NRG1: variants seen among roughly 807,000 people sequenced by gnomAD.
NRG1 encodes the protein neuregulin 1.
Under a neutral mutation model 63.8 loss-of-function variants are expected in NRG1, and 18 were observed. The ratio of observed to expected loss-of-function variants is 0.28; its 90% confidence interval spans 0.19 to 0.42. The LOEUF (loss-of-function observed/expected upper bound fraction) is 0.42, where lower values mean the gene tolerates loss of function less well. Ranked by LOEUF, NRG1 falls within the 10% of genes least tolerant of loss-of-function variation. The probability of loss-of-function intolerance (pLI) is 1.00; values close to 1 mark genes in which losing one functional copy is unlikely to be tolerated. For missense variants in NRG1, 762 were observed against 814.7 expected (o/e 0.94, Z 0.79); for synonymous variants, 302 against 301.3 (o/e 1.00, Z -0.02).
At chr8:32,511,136 A>G (rs895675170) in intron 1 of NRG1, among the ~76,000 whole-genome samples, 2 of 150,636 alleles carry the variant, frequency 1.3e-5, no homozygotes, top group African/African-American at 2.4e-5. Flanking sequence ...GGACTGATCT[A>G]TTTTACCTCC....
intron 1 of NRG1, among the ~76,000 whole-genome samples, chr8:31,734,546 T>G (rs1814455444): frequency 6.6e-6 from 1 of 152,214 alleles, no homozygotes; most frequent in Non-Finnish European, 1.5e-5. Flanking sequence ...TTTCAAAAAG[T>G]GGAAGCTTTT....
intron 6 of NRG1, among the ~76,000 whole-genome samples, chr8:32,734,149 G>A (rs1824423127): frequency 6.6e-6 from 1 of 152,192 alleles, no homozygotes; most frequent in Non-Finnish European, 1.5e-5. Context: ...CAGGCTAGAA[G>A]AAGTCTGGGG....
intron 1 of NRG1, among the ~76,000 whole-genome samples, chr8:32,352,342 AG>A (rs1408084659): frequency 6.6e-6 from 1 of 151,980 alleles, no homozygotes; most frequent in East Asian, 1.9e-4. Context: ...GAAGTGCTTC[AG>A]CTCTTTGCAC....
intron 1 of NRG1, among the ~76,000 whole-genome samples, chr8:31,676,231 T>C (rs979877034): frequency 6.6e-6 from 1 of 152,126 alleles, no homozygotes; most frequent in African/African-American, 2.4e-5. Context: ...TATACTGTGC[T>C]CAAAGATAGT....
intron 1 of NRG1, among the ~76,000 whole-genome samples, chr8:32,390,580 G>A (rs1417707278): frequency 6.9e-6 from 1 of 145,014 alleles, no homozygotes; most frequent in Non-Finnish European, 1.5e-5. Context: ...TCCAGCCTGG[G>A]CAACAGAGCG....
In NRG1 at chr8:32,538,048, C is replaced by T. The variant is rs374473072; in HGVS notation, c.38-57780C>T. On this transcript the variant is annotated intron_variant, in intron 1 of 10. Coordinates refer to the NRG1 transcript ENST00000519301. The stretch of plus-strand genomic sequence containing the variant: ...TGTATTTTTAGTAGAGACAGGGTTT[C>T]ATCATGTTGGTCAGGCTGGGCTGGA... 3.8e-4 allele frequency among the ~76,000 whole-genome samples: 58 copies of T among 152,182 alleles called. 1 individual carries two copies. The East Asian group carries it at 6.8e-3, about 18-fold the overall frequency.
intron 1 of NRG1, among the ~76,000 whole-genome samples, chr8:32,345,746 G>A (rs1804799331): frequency 6.6e-6 from 1 of 152,112 alleles, no homozygotes; most frequent in Non-Finnish European, 1.5e-5. Context: ...GAGGCGGGTG[G>A]ATCATTTGAG....
intron 1 of NRG1, among the ~76,000 whole-genome samples, chr8:31,722,312 CT>C (rs1812998196): frequency 6.6e-6 from 1 of 152,046 alleles, no homozygotes; most frequent in African/African-American, 2.4e-5. Context: ...TAATTTCTTC[CT>C]GGCTCTTTGA....
At chr8:32,526,084 T>G (rs1278732484) in intron 1 of NRG1, among the ~76,000 whole-genome samples, 1 of 152,238 alleles carries the variant, frequency 6.6e-6, no homozygotes, top group Non-Finnish European at 1.5e-5. Context: ...ATTTATTCTC[T>G]TAGAGTTTCT....
At chr8:32,353,542 G>C (rs1437336803) in intron 1 of NRG1, among the ~76,000 whole-genome samples, 1 of 152,092 alleles carries the variant, frequency 6.6e-6, no homozygotes, top group Admixed American at 6.5e-5. Flanking sequence ...AAGATATATG[G>C]ATAGCCAAAA....
chr8:32,717,367 A>G (rs1482220245), intron 5 of NRG1, among the ~76,000 whole-genome samples: 1 of 152,176 alleles, frequency 6.6e-6, no homozygotes, highest in East Asian at 1.9e-4. Context: ...TTAAAAAGTT[A>G]GATTTTCATG....
At chr8:32,290,680 C>T (rs908800584) in intron 1 of NRG1, among the ~76,000 whole-genome samples, 3 of 152,126 alleles carry the variant, frequency 2.0e-5, no homozygotes, top group African/African-American at 4.8e-5. Flanking sequence ...AACCTTCTGC[C>T]GACCCACAGA....
rs1188329867 is a variant in NRG1, at chr8:32,415,451, A to G, written c.38-180377A>G. Among the ~76,000 whole-genome samples the G allele has an allele frequency of 2.0e-5, 3 of 150,968 alleles. No individual in the cohort carries two copies. The East Asian group carries it at 5.8e-4, about 29-fold the overall frequency. ...AAAAAAAAAATGCGGCAATCACAATACATTTATGTCTATTCATATTATTTG... is the reference window on the plus strand; with the variant it reads ...AAAAAAAAAATGCGGCAATCACAATGCATTTATGTCTATTCATATTATTTG... On this transcript the variant is annotated intron_variant, in intron 1 of 10. Transcript: ENST00000519301.
chr8:32,731,255 T>C (rs946055907), intron 6 of NRG1, among the ~76,000 whole-genome samples: 4 of 152,208 alleles, frequency 2.6e-5, no homozygotes, highest in African/African-American at 7.2e-5. Flanking sequence ...CATTAAATCT[T>C]AAGCCTAATC....
intron 1 of NRG1, among the ~76,000 whole-genome samples, chr8:31,768,239 T>A (rs547280362): frequency 3.3e-4 from 50 of 152,320 alleles, no homozygotes; most frequent in African/African-American, 1.2e-3. Context: ...AATAATGACT[T>A]TAGACAGCTG....
At chr8:32,482,307 T>C (rs1301029704) in intron 1 of NRG1, among the ~76,000 whole-genome samples, 1 of 152,176 alleles carries the variant, frequency 6.6e-6, no homozygotes, top group Admixed American at 6.6e-5. Flanking sequence ...AGGAGAGTTA[T>C]ACAATCAGCT....
At chr8:32,738,026 C>T (rs757495437) in intron 6 of NRG1, among the ~76,000 whole-genome samples, 1 of 152,014 alleles carries the variant, frequency 6.6e-6, no homozygotes, top group East Asian at 1.9e-4. Context: ...GTGGTCTGAT[C>T]TTAAGTTCAT....
chr8:32,725,464 ATTTTTTTTTTTTTTTTTT>A (rs71209904), intron 5 of NRG1, among the ~76,000 whole-genome samples: 1 of 67,540 alleles, frequency 1.5e-5, no homozygotes, highest in Non-Finnish European at 2.6e-5. Context: ...AAACTTCCTA[ATTTTTTTTTTTTTTTTTT>A]TTTTTTTTTT....
chr8:31,817,441 C>G (rs1245423590), intron 1 of NRG1, among the ~76,000 whole-genome samples: 1 of 152,116 alleles, frequency 6.6e-6, no homozygotes, highest in Non-Finnish European at 1.5e-5. Flanking sequence ...TGACTTGAAC[C>G]CATTTGTGGG....
Sources: allele counts gnomAD v4.1 joint callset (sites outside exome capture counted in the v4.1 genomes callset), GRCh38; gene constraint gnomAD v4.1.1; transcripts MANE v1.5; gene names NCBI Gene and HGNC (gene_info 2026-07-23, HGNC 2026-07-21).